The following TMEM132B variants were observed in gnomAD, a reference collection of about 807,000 sequenced individuals.
TMEM132B encodes the protein transmembrane protein 132B.
TMEM132B carries 18 observed loss-of-function variants against 90.8 expected under a neutral mutation model. The ratio of observed to expected loss-of-function variants is 0.20; its 90% CI spans 0.14 to 0.29. The LOEUF (loss-of-function observed/expected upper bound fraction) is 0.29. Ranked by LOEUF, TMEM132B falls within the 10% of genes least tolerant of loss-of-function variation. The probability of loss-of-function intolerance (pLI) is 1.00; values close to 1 mark genes in which losing one functional copy is unlikely to be tolerated. For missense variants in TMEM132B, 1,096 were observed against 1,326.8 expected, an observed-to-expected ratio of 0.83 and a Z score of 2.70; for synonymous variants, 504 against 523.3, an observed-to-expected ratio of 0.96 and a Z score of 0.50.
chr12:125,304,700 G>A (rs1468004079), intron 1 of TMEM132B, among the ~76,000 whole-genome samples: 1 of 152,146 alleles, frequency 6.6e-6, no homozygotes, highest in Non-Finnish European at 1.5e-5. Context: ...GCATGGTGCT[G>A]CTTGCCTGTA....
Position 125,654,723 on chromosome 12 carries a change from T to C in TMEM132B, c.*13T>C, listed in dbSNP as rs1344925503. 7 of 1,606,210 alleles carry C rather than the reference T, an allele frequency of 4.4e-6. No homozygotes were observed. The highest frequency in any genetic ancestry group is 6.0e-6 in the Non-Finnish European group (7 of 1,175,624). The stretch of plus-strand genomic sequence containing the variant: ...AGACCAGATGTAAACTCCTTTCTTA[T>C]GTTTGTATTCACCTTTATGCCTTCT... On this transcript the variant is annotated 3_prime_UTR_variant, in exon 9 of 9. Transcript: ENST00000682704. This position sits in a 1 kb window ranked among gnomAD's most constrained non-coding sequence, Gnocchi z 5.8.
chr12:125,257,512 G>A (rs1054983167), intron 1 of TMEM132B, among the ~76,000 whole-genome samples: 2 of 152,156 alleles, frequency 1.3e-5, no homozygotes, highest in African/African-American at 2.4e-5. Flanking sequence ...GGTGGTGTGC[G>A]GGAGCTGCTC....
At chr12:125,500,871 T>G (rs1460804558) in intron 3 of TMEM132B, among the ~76,000 whole-genome samples, 3 of 152,132 alleles carry the variant, frequency 2.0e-5, no homozygotes, top group Non-Finnish European at 2.9e-5. Flanking sequence ...GCTATTGAGT[T>G]AGGATCTCCA....
intron 4 of TMEM132B, among the ~76,000 whole-genome samples, chr12:125,542,063 C>T (rs1413605020): frequency 1.4e-5 from 2 of 145,700 alleles, no homozygotes; most frequent in Admixed American, 6.9e-5. Context: ...GAAGTGAACA[C>T]CTGCTTCCTC....
At chr12:125,620,110 A>G (rs1156682181) in intron 5 of TMEM132B, among the ~76,000 whole-genome samples, 1 of 152,214 alleles carries the variant, frequency 6.6e-6, no homozygotes, top group Non-Finnish European at 1.5e-5. Context: ...GAGCCTTTCA[A>G]TTGTGCCTAC....
At chr12:125,527,170 C>A (rs1883495188) in intron 4 of TMEM132B, among the ~76,000 whole-genome samples, 1 of 144,342 alleles carries the variant, frequency 6.9e-6, no homozygotes, top group African/African-American at 2.6e-5. Flanking sequence ...ATCCACCCAT[C>A]CACCCTTCCA....
intron 3 of TMEM132B, among the ~76,000 whole-genome samples, chr12:125,480,025 A>T (rs1881996157): frequency 3.9e-5 from 6 of 152,236 alleles, no homozygotes; most frequent in Admixed American, 3.9e-4. Flanking sequence ...AAATAATGAA[A>T]TGAAGACAGA....
chr12:125,290,186 A>G (rs765535647), intron 1 of TMEM132B, among the ~76,000 whole-genome samples: 1 of 152,214 alleles, frequency 6.6e-6, no homozygotes, highest in East Asian at 1.9e-4. Flanking sequence ...CAAGTAGCTC[A>G]TTACGCATCG....
In TMEM132B at chr12:125,407,152, A is replaced by C. The variant is rs1479967039; in HGVS notation, c.960-8379A>C. Reference sequence around the variant, plus strand: ...CCCATGTGGCCCAAGCCTCCCTACTATAAATCATATTGAAGCACAGATTAT... The same window carrying C: ...CCCATGTGGCCCAAGCCTCCCTACTCTAAATCATATTGAAGCACAGATTAT... On this transcript the variant is annotated intron_variant, in intron 2 of 8. Coordinates refer to ENST00000682704, the MANE Select transcript of TMEM132B (RefSeq NM_001366854.1). The surrounding 1 kb of genome is among the most constrained non-coding windows in gnomAD (Gnocchi z 6.7). Among the ~76,000 whole-genome samples the C allele has an allele frequency of 9.2e-5, 14 of 152,210 alleles. No individual in the cohort carries two copies. The highest frequency in any genetic ancestry group is 9.2e-4 in the Admixed American group (14 of 15,280).
chr12:125,402,194 G>C (rs142670283), intron 2 of TMEM132B, among the ~76,000 whole-genome samples: 1 of 150,940 alleles, frequency 6.6e-6, no homozygotes, highest in African/African-American at 2.5e-5. Flanking sequence ...CTATCTATCT[G>C]TCTATATCTA....
chr12:125,427,065 A>G (rs915511746), intron 3 of TMEM132B, among the ~76,000 whole-genome samples: 7 of 152,234 alleles, frequency 4.6e-5, no homozygotes, highest in African/African-American at 1.7e-4. Flanking sequence ...TTCTGTATGT[A>G]ATATTAACAC....
chr12:125,240,987 G>A (rs1020155563), intron 1 of TMEM132B, among the ~76,000 whole-genome samples: 1 of 152,222 alleles, frequency 6.6e-6, no homozygotes, highest in Admixed American at 6.5e-5. Context: ...GTGAGTGAAC[G>A]GTGGTGGGCG....
chr12:125,657,002 C>T lies in TMEM132B; in HGVS notation c.*2292C>T, dbSNP rs907416355. On this transcript the variant is annotated 3_prime_UTR_variant, in exon 9 of 9. Coordinates refer to ENST00000682704, the MANE Select transcript of TMEM132B (RefSeq NM_001366854.1). ...CTGGGGAGGAGGTGAAGGAAATTAT[C>T]CCTGCCATGGGGAGTGTTATTCAGG... The T allele has an allele frequency of 6.6e-6, 1 of 152,216 alleles. No homozygotes were observed. The highest frequency in any genetic ancestry group is 1.5e-5 in the Non-Finnish European group (1 of 68,066). The allele number at this position is 152,216 out of a possible 1,614,324, so 9.4% of individuals were successfully genotyped here.
At chr12:125,203,322 G>C (rs1166167454) in intron 1 of TMEM132B, among the ~76,000 whole-genome samples, 2 of 152,160 alleles carry the variant, frequency 1.3e-5, no homozygotes, top group South Asian at 4.1e-4. Context: ...GAATGTCAAA[G>C]ACAAAAATAT....
intron 4 of TMEM132B, among the ~76,000 whole-genome samples, chr12:125,562,697 C>T (rs1358615416): frequency 6.6e-6 from 1 of 152,168 alleles, no homozygotes; most frequent in Non-Finnish European, 1.5e-5. Flanking sequence ...ATCACTACCC[C>T]ATACTATTCT....
At chr12:125,539,158 A>G (rs1008004737) in intron 4 of TMEM132B, among the ~76,000 whole-genome samples, 1 of 152,188 alleles carries the variant, frequency 6.6e-6, no homozygotes, top group African/African-American at 2.4e-5. Flanking sequence ...TTCCCATTGC[A>G]TTGTGAATGA....
intron 2 of TMEM132B, among the ~76,000 whole-genome samples, chr12:125,414,775 G>A (rs147767444): frequency 1.3e-5 from 2 of 152,290 alleles, no homozygotes; most frequent in Non-Finnish European, 2.9e-5. Flanking sequence ...TCCCCAGGTC[G>A]CCCTGGGAGA....
chr12:125,432,397 A>ATATATATATATG (rs768917407), intron 3 of TMEM132B, among the ~76,000 whole-genome samples: 3 of 68,346 alleles, frequency 4.4e-5, no homozygotes, highest in African/African-American at 1.9e-4. Context: ...ATATATATAT[A>ATATATATATATG]TGTATGTATG....
At chr12:125,379,753 T>C (rs1878614226) in intron 2 of TMEM132B, among the ~76,000 whole-genome samples, 1 of 152,202 alleles carries the variant, frequency 6.6e-6, no homozygotes, top group Non-Finnish European at 1.5e-5. Context: ...TGAAAATGCA[T>C]TTGAGCACCA....
Sources: gnomAD v4.1 joint callset for allele counts (sites outside exome capture counted in the v4.1 genomes callset) on GRCh38, gnomAD v4.1.1 for gene constraint, Gnocchi (gnomAD v3.1) non-coding constraint, MANE v1.5 for transcripts, NCBI Gene and HGNC (gene_info 2026-07-23, HGNC 2026-07-21) for gene names.